Variants in ADGRL3 observed in about 807,000 individuals in gnomAD.
ADGRL3 encodes calcium-independent alpha-latrotoxin receptor 3.
Under a neutral mutation model 153.5 loss-of-function variants are expected in ADGRL3, and 62 were observed. The observed-to-expected ratio is 0.40, with a 90% CI of 0.33 to 0.50. ADGRL3 has a LOEUF of 0.50. ADGRL3 is among the 20% of genes least tolerant of loss of function. The pLI, the probability that ADGRL3 is intolerant of heterozygous loss-of-function variation, is 0.47. For missense variants in ADGRL3, 1,641 were observed against 1,859.4 expected (o/e 0.88, Z 2.16); for synonymous variants, 710 against 672.5 (o/e 1.06, Z -0.86).
chr4:61,973,093 A>G (rs183108149), intron 17 of ADGRL3, among the ~76,000 whole-genome samples: 4 of 152,200 alleles, frequency 2.6e-5, no homozygotes, highest in Admixed American at 2.6e-4. Context: ...GTTAAAATGA[A>G]AACTATTTTA....
intron 19 of ADGRL3, among the ~76,000 whole-genome samples, chr4:61,984,069 G>A (rs1232110310): frequency 1.3e-5 from 2 of 152,074 alleles, no homozygotes; most frequent in South Asian, 4.1e-4. Flanking sequence ...TTTTTCCTGG[G>A]TAGGCATTGA....
chr4:61,674,635 G>T (rs2095125452), intron 5 of ADGRL3, among the ~76,000 whole-genome samples: 1 of 151,702 alleles, frequency 6.6e-6, no homozygotes, highest in Non-Finnish European at 1.5e-5. Context: ...CTTTGAATGT[G>T]TTCCTGATAA....
chr4:61,898,279 C>A (rs1471089847), intron 11 of ADGRL3, among the ~76,000 whole-genome samples: 1 of 152,058 alleles, frequency 6.6e-6, no homozygotes, highest in African/African-American at 2.4e-5. Context: ...CTTCTCTCAC[C>A]CTTCTTCTTT....
intron 21 of ADGRL3, among the ~76,000 whole-genome samples, chr4:62,013,362 G>C (rs1306405273): frequency 6.6e-6 from 1 of 151,700 alleles, no homozygotes; most frequent in Non-Finnish European, 1.5e-5. Flanking sequence ...CAACATGGTG[G>C]AACCCCATCT....
At chr4:61,992,972 G>T (rs990958972) in intron 19 of ADGRL3, among the ~76,000 whole-genome samples, 2 of 152,074 alleles carry the variant, frequency 1.3e-5, no homozygotes, top group African/African-American at 4.8e-5. Context: ...TCCTTAACTT[G>T]TAAAATAATC....
At chr4:61,545,805 G>A (rs1013930172) in intron 4 of ADGRL3, among the ~76,000 whole-genome samples, 3 of 152,080 alleles carry the variant, frequency 2.0e-5, no homozygotes, top group African/African-American at 7.2e-5. Context: ...GTAAGCTACC[G>A]CGCGGGGCCT....
chr4:61,923,374 GT>G (rs1367304565), intron 13 of ADGRL3, among the ~76,000 whole-genome samples: 1 of 147,414 alleles, frequency 6.8e-6, no homozygotes, highest in Non-Finnish European at 1.5e-5. Context: ...TCTGAGTAAT[GT>G]TTTAAAAATG....
chr4:61,535,102 GTA>G (rs896710379), intron 4 of ADGRL3, among the ~76,000 whole-genome samples: 9 of 55,446 alleles, frequency 1.6e-4, no homozygotes, highest in African/African-American at 2.4e-4. Flanking sequence ...TTATATTGAG[GTA>G]TTTTTTTTTA....
intron 5 of ADGRL3, among the ~76,000 whole-genome samples, chr4:61,622,172 C>A (rs1437367021): frequency 6.6e-6 from 1 of 151,976 alleles, no homozygotes; most frequent in East Asian, 1.9e-4. Context: ...TATATGCAAC[C>A]ATTGACCTGA....
At chr4:61,379,668 A>G (rs955840877) in intron 1 of ADGRL3, among the ~76,000 whole-genome samples, 1 of 152,064 alleles carries the variant, frequency 6.6e-6, no homozygotes, top group African/African-American at 2.4e-5. Context: ...AGGTGATGCC[A>G]CATAATATTG....
chr4:61,493,641 G>A (rs762395856), intron 2 of ADGRL3, among the ~76,000 whole-genome samples: 16 of 152,110 alleles, frequency 1.1e-4, no homozygotes, highest in Middle Eastern at 3.2e-3. Context: ...AGCACCACCC[G>A]TTGTGTGTTC....
intron 3 of ADGRL3, among the ~76,000 whole-genome samples, chr4:61,497,609 G>C (rs2098334936): frequency 6.7e-6 from 1 of 149,798 alleles, no homozygotes; most frequent in Non-Finnish European, 1.5e-5. Context: ...TCTGTCTCCT[G>C]GGTTCACGCC....
intron 6 of ADGRL3, among the ~76,000 whole-genome samples, chr4:61,680,240 GAACA>G (rs1163812132): frequency 1.3e-5 from 2 of 151,888 alleles, no homozygotes; most frequent in Admixed American, 6.6e-5. Flanking sequence ...ACAACTGAAC[GAACA>G]GTGTTAGGTT....
intron 1 of ADGRL3, among the ~76,000 whole-genome samples, chr4:61,353,539 G>A (rs894112812): frequency 3.8e-4 from 57 of 150,976 alleles, no homozygotes; most frequent in African/African-American, 1.2e-3. Context: ...GTTTTAATAG[G>A]TATCCCTTGT....
chr4:61,620,960 A>T (rs1268289628), intron 5 of ADGRL3, among the ~76,000 whole-genome samples: 1 of 151,964 alleles, frequency 6.6e-6, no homozygotes, highest in Non-Finnish European at 1.5e-5. Context: ...TTTTTAAAGG[A>T]TAGTTCTTTT....
At chr4:61,265,631 T>G (rs2092805117) in intron 1 of ADGRL3, among the ~76,000 whole-genome samples, 1 of 151,894 alleles carries the variant, frequency 6.6e-6, no homozygotes, top group Non-Finnish European at 1.5e-5. Context: ...AGTGAGATAA[T>G]TGGCTGAAAT....
At chr4:61,963,118 T>C (rs958962864) in intron 17 of ADGRL3, among the ~76,000 whole-genome samples, 7 of 150,700 alleles carry the variant, frequency 4.6e-5, no homozygotes, top group Non-Finnish European at 7.4e-5. Context: ...GATAGCGTGA[T>C]ATAAGGCTGT....
intron 1 of ADGRL3, among the ~76,000 whole-genome samples, chr4:61,279,709 T>G (rs763926393): frequency 6.6e-6 from 1 of 152,166 alleles, no homozygotes; most frequent in Non-Finnish European, 1.5e-5. Context: ...CTTTTCCTCC[T>G]TGTCCATCTA....
intron 3 of ADGRL3, among the ~76,000 whole-genome samples, chr4:61,503,029 A>G (rs1439997847): frequency 3.9e-5 from 6 of 152,158 alleles, no homozygotes; most frequent in African/African-American, 7.2e-5. Flanking sequence ...AACACATCCA[A>G]CGCCATCCAC....
Sources: allele counts gnomAD v4.1 joint callset (sites outside exome capture counted in the v4.1 genomes callset), GRCh38; gene constraint gnomAD v4.1.1; transcripts MANE v1.5; gene names NCBI Gene and HGNC (gene_info 2026-07-23, HGNC 2026-07-21).